The following SNTG1 variants were observed in gnomAD, a reference collection of about 807,000 sequenced individuals.
SNTG1 encodes gamma-1-syntrophin.
Under a neutral mutation model 74.7 loss-of-function variants are expected in SNTG1, and 39 were observed. The observed-to-expected ratio is 0.52, with a 90% CI of 0.40 to 0.68. The LOEUF is 0.68. SNTG1 is among the 30% of genes least tolerant of loss of function. The probability of loss-of-function intolerance (pLI) is 0.00; values close to 1 mark genes in which losing one functional copy is unlikely to be tolerated. For synonymous variants in SNTG1, 254 were observed against 217.1 expected (o/e 1.17, Z -1.49); for missense variants, 685 against 609.5 (o/e 1.12, Z -1.30).
intron 1 of SNTG1, among the ~76,000 whole-genome samples, chr8:50,161,876 C>T (rs866009997): frequency 1.6e-4 from 24 of 152,036 alleles, no homozygotes; most frequent in African/African-American, 5.8e-4. Flanking sequence ...TTTAAAAAAA[C>T]ACAATTCATT....
At chr8:50,653,945 C>A (rs1005500625) in intron 13 of SNTG1, among the ~76,000 whole-genome samples, 5 of 152,100 alleles carry the variant, frequency 3.3e-5, no homozygotes, top group Admixed American at 1.3e-4. Flanking sequence ...AATCGTCTGC[C>A]TTCTATTAAA....
intron 2 of SNTG1, among the ~76,000 whole-genome samples, chr8:50,298,276 T>G (rs1389497094): frequency 2.0e-5 from 3 of 152,142 alleles, no homozygotes; most frequent in African/African-American, 7.2e-5. Context: ...CCTGGAAATT[T>G]GGAAACATCT....
chr8:50,219,291 G>A (rs747061273), intron 2 of SNTG1, among the ~76,000 whole-genome samples: 10 of 152,148 alleles, frequency 6.6e-5, no homozygotes, highest in African/African-American at 2.4e-4. Context: ...CTGACAGAAA[G>A]AAGGCCTAAA....
intron 12 of SNTG1, among the ~76,000 whole-genome samples, chr8:50,576,405 C>A (rs560471668): frequency 1.1e-4 from 16 of 152,018 alleles, no homozygotes; most frequent in Admixed American, 2.0e-4. Flanking sequence ...AATACGTGTT[C>A]TCTGGTATTG....
chr8:50,349,854 G>A (rs1183397072), intron 2 of SNTG1, among the ~76,000 whole-genome samples: 7 of 152,184 alleles, frequency 4.6e-5, no homozygotes, highest in African/African-American at 1.7e-4. Context: ...GCTGCACTGT[G>A]GGAGCCCCTT....
chr8:50,044,057 T>C (rs1335081617), intron 1 of SNTG1, among the ~76,000 whole-genome samples: 3 of 152,070 alleles, frequency 2.0e-5, no homozygotes, highest in Non-Finnish European at 4.4e-5. Flanking sequence ...TATGTAATAC[T>C]AAAAAAAATT....
chr8:50,697,489 A>G (rs557032436), intron 15 of SNTG1, among the ~76,000 whole-genome samples: 7 of 152,090 alleles, frequency 4.6e-5, no homozygotes, highest in African/African-American at 1.4e-4. Flanking sequence ...AGAGTGGACA[A>G]CCTTCTCAAA....
intron 8 of SNTG1, among the ~76,000 whole-genome samples, chr8:50,484,287 C>A (rs1000364410): frequency 6.6e-6 from 1 of 150,644 alleles, no homozygotes; most frequent in African/African-American, 2.4e-5. Flanking sequence ...ACAGTCTCAG[C>A]TCACTGTAAC....
intron 13 of SNTG1, among the ~76,000 whole-genome samples, chr8:50,615,394 G>A (rs2094879182): frequency 6.6e-6 from 1 of 152,304 alleles, no homozygotes; most frequent in African/African-American, 2.4e-5. Flanking sequence ...TTGACATTTA[G>A]TTTAATTAAA....
At chr8:50,411,678 C>G (rs2092951276) in intron 4 of SNTG1, among the ~76,000 whole-genome samples, 1 of 151,928 alleles carries the variant, frequency 6.6e-6, no homozygotes, top group Admixed American at 6.6e-5. Context: ...GCTGGAAACC[C>G]CTTCTCTCTA....
chr8:50,404,387 T>A (rs1481745485), intron 4 of SNTG1, among the ~76,000 whole-genome samples: 1 of 152,070 alleles, frequency 6.6e-6, no homozygotes, highest in African/African-American at 2.4e-5. Flanking sequence ...CCCAAAATAT[T>A]TGTGTGGATA....
chr8:49,947,926 T>C (rs559609731), intron 1 of SNTG1, among the ~76,000 whole-genome samples: 19 of 151,938 alleles, frequency 1.3e-4, no homozygotes, highest in Non-Finnish European at 2.6e-4. Context: ...AGGTAAGGAG[T>C]TCGAGAACAG....
chr8:50,119,177 G>A (rs1057174146), intron 1 of SNTG1, among the ~76,000 whole-genome samples: 1 of 140,950 alleles, frequency 7.1e-6, no homozygotes. Context: ...TTCTCTCACT[G>A]CCTTTCTCTA....
intron 13 of SNTG1, among the ~76,000 whole-genome samples, chr8:50,638,504 A>G (rs760047285): frequency 7.2e-5 from 11 of 152,252 alleles, no homozygotes; most frequent in Non-Finnish European, 1.3e-4. Flanking sequence ...TAGAGTTACA[A>G]AAATTTTTTC....
chr8:50,130,240 GT>G (rs1027794482), intron 1 of SNTG1, among the ~76,000 whole-genome samples: 13 of 152,056 alleles, frequency 8.5e-5, no homozygotes, highest in African/African-American at 3.1e-4. Context: ...ACCAAGATAA[GT>G]TAAGGGTCAA....
intron 1 of SNTG1, among the ~76,000 whole-genome samples, chr8:50,154,774 A>T (rs2131561318): frequency 6.6e-6 from 1 of 152,312 alleles, no homozygotes; most frequent in African/African-American, 2.4e-5. Flanking sequence ...CCTGAACAAA[A>T]TGCCATCGAT....
chr8:50,411,415 T>G (rs1199150602), intron 4 of SNTG1, among the ~76,000 whole-genome samples: 1 of 146,796 alleles, frequency 6.8e-6, no homozygotes, highest in Non-Finnish European at 1.5e-5. Flanking sequence ...TCCACTGCAC[T>G]CCAGCCTGGG....
intron 2 of SNTG1, among the ~76,000 whole-genome samples, chr8:50,277,680 A>G (rs1316588156): frequency 1.3e-5 from 2 of 152,146 alleles, no homozygotes; most frequent in Non-Finnish European, 2.9e-5. Context: ...CCCAAGCTCC[A>G]TTTCCAAGTT....
chr8:50,187,155 G>T (rs773683566), intron 2 of SNTG1, among the ~76,000 whole-genome samples: 8 of 151,954 alleles, frequency 5.3e-5, no homozygotes, highest in Non-Finnish European at 7.4e-5. Context: ...CACAGAATTA[G>T]AAAAAAACTA....
Sources: gnomAD v4.1 joint callset for allele counts (sites outside exome capture counted in the v4.1 genomes callset) on GRCh38, gnomAD v4.1.1 for gene constraint, MANE v1.5 for transcripts, NCBI Gene and HGNC (gene_info 2026-07-23, HGNC 2026-07-21) for gene names.